Variants in PIR observed in about 807,000 individuals in gnomAD.
PIR encodes the protein pirin (iron-binding nuclear protein).
A neutral mutation model predicts 24.2 loss-of-function variants in PIR; 22 were observed. The observed-to-expected ratio is 0.91, with a 90% CI of 0.65 to 1.30. PIR has a LOEUF of 1.30. Ranked by LOEUF, PIR falls within the 50% of genes most tolerant of loss-of-function variation. The pLI, the probability that PIR is intolerant of heterozygous loss-of-function variation, is 0.00. For synonymous variants in PIR, 80 were observed against 79.6 expected (o/e 1.00, Z -0.03); for missense variants, 220 against 220.3 (o/e 1.00, Z 0.01).
intron 8 of PIR, among the ~76,000 whole-genome samples, chrX:15,396,367 C>T (rs1430318758): frequency 8.9e-6 from 1 of 111,807 alleles, no homozygotes; most frequent in Non-Finnish European, 1.9e-5. Flanking sequence ...GATCTAATAA[C>T]TCCTCAAATC....
intron 5 of PIR, among the ~76,000 whole-genome samples, chrX:15,432,955 T>C (rs1925558402): frequency 8.9e-6 from 1 of 112,549 alleles, no homozygotes; most frequent in African/African-American, 3.2e-5. Context: ...GATAATGCCA[T>C]TTATTAAGAT....
chrX:15,432,417 G>A (rs373714773), intron 5 of PIR, among the ~76,000 whole-genome samples: 1 of 112,094 alleles, frequency 8.9e-6, no homozygotes, highest in East Asian at 2.8e-4. Flanking sequence ...AAAATGAGGA[G>A]AGTAAGGGAA....
chrX:15,486,560 A>C (rs745337715), intron 2 of PIR, among the ~76,000 whole-genome samples: 31 of 111,608 alleles, frequency 2.8e-4, no homozygotes, highest in African/African-American at 1.0e-3. Context: ...TCTTGTAGCT[A>C]GTTGTGTTCA....
intron 6 of PIR, among the ~76,000 whole-genome samples, chrX:15,425,664 C>T (rs1198141755): frequency 1.8e-5 from 2 of 111,771 alleles, no homozygotes; most frequent in African/African-American, 6.5e-5. Context: ...CCCGCCTCGA[C>T]TTCCCAAAGT....
intron 5 of PIR, among the ~76,000 whole-genome samples, chrX:15,453,001 T>C (rs1442194444): frequency 8.9e-6 from 1 of 112,327 alleles, no homozygotes; most frequent in Non-Finnish European, 1.9e-5. Flanking sequence ...TAAAATTGTC[T>C]TCCTGATGCG....
At chrX:15,449,323 C>T (rs1337051119) in intron 5 of PIR, among the ~76,000 whole-genome samples, 3 of 111,900 alleles carry the variant, frequency 2.7e-5, no homozygotes, top group Admixed American at 9.5e-5. Flanking sequence ...CTGATTCATG[C>T]GGATATTTCC....
chrX:15,432,734 A>C (rs1329783548), intron 5 of PIR, among the ~76,000 whole-genome samples: 1 of 112,482 alleles, frequency 8.9e-6, no homozygotes, highest in Non-Finnish European at 1.9e-5. Flanking sequence ...CATCTTAAAG[A>C]GATGTCTTAA....
At chrX:15,478,950 A>C (rs1012310275) in intron 3 of PIR, among the ~76,000 whole-genome samples, 5 of 112,234 alleles carry the variant, frequency 4.5e-5, no homozygotes, top group African/African-American at 1.6e-4. Context: ...CTACTAATGC[A>C]GGTTGTTCTG....
chrX:15,445,504 T>C (rs1373749664), intron 5 of PIR, among the ~76,000 whole-genome samples: 3 of 111,815 alleles, frequency 2.7e-5, no homozygotes, highest in African/African-American at 9.8e-5. Context: ...CTGCACGTTG[T>C]GCACATGTAC....
At chrX:15,487,065 G>A (rs2316997) in intron 2 of PIR, among the ~76,000 whole-genome samples, 47,369 of 110,266 alleles carry the variant, frequency 0.43, 7,340 homozygotes, top group East Asian at 0.46. Flanking sequence ...TACCTTCTGG[G>A]TTTACTCGGC....
chrX:15,488,278 C>CAAA lies in PIR; in HGVS notation c.96+2881_96+2883dup, dbSNP rs1184870069. Among the ~76,000 whole-genome samples, 98 of 31,898 alleles carry CAAA rather than the reference C, an allele frequency of 3.1e-3. 1 individual carries two copies. Among genetic ancestry groups the CAAA allele is most frequent in the African/African-American group, 8.2e-3 (87 of 10,578 alleles). The allele number at this position is 31,898 out of a possible 115,157, so 27.7% of individuals were successfully genotyped here. On this transcript the variant is annotated intron_variant, in intron 2 of 9. Transcript: ENST00000380420. ...GGGCAACAAGAGCGAAACTCCGTCTCAAAAAAAAAAAAAAAAAAAAAAGAA... is the reference window on the plus strand; with the variant it reads ...GGGCAACAAGAGCGAAACTCCGTCTCAAAAAAAAAAAAAAAAAAAAAAAAAGAA...
chrX:15,387,918 A>G (rs1320243898), intron 9 of PIR, among the ~76,000 whole-genome samples: 2 of 111,383 alleles, frequency 1.8e-5, no homozygotes, highest in Admixed American at 1.9e-4. Flanking sequence ...ATTTCTAACT[A>G]TCTCCCAAGT....
chrX:15,479,704 T>C (rs369817730), intron 3 of PIR, 25 bp downstream of exon 3: 41 of 822,729 alleles, frequency 5.0e-5, no homozygotes, highest in Non-Finnish European at 6.7e-5. Context: ...AATACACACT[T>C]CTGCAGTCAA....
chrX:15,435,932 T>C (rs1368895800), intron 5 of PIR, among the ~76,000 whole-genome samples: 4 of 112,727 alleles, frequency 3.5e-5, no homozygotes. Flanking sequence ...GAATTCTTGA[T>C]TGTTTTAAAC....
intron 5 of PIR, among the ~76,000 whole-genome samples, chrX:15,446,456 T>C (rs1041681823): frequency 1.8e-5 from 2 of 110,741 alleles, no homozygotes; most frequent in African/African-American, 6.6e-5. Context: ...ACATTAATGA[T>C]AGCTGATGAG....
intron 9 of PIR, among the ~76,000 whole-genome samples, chrX:15,385,451 AT>A (rs1923712552): frequency 8.9e-6 from 1 of 112,153 alleles, no homozygotes; most frequent in African/African-American, 3.2e-5. Flanking sequence ...AGTTATTTTT[AT>A]AACATTAGCT....
chrX:15,395,335 C>T (rs1442562216), intron 8 of PIR, among the ~76,000 whole-genome samples: 1 of 112,059 alleles, frequency 8.9e-6, no homozygotes, highest in Admixed American at 9.5e-5. Flanking sequence ...GCATCTACAA[C>T]GTAGTAAACC....
intron 5 of PIR, among the ~76,000 whole-genome samples, chrX:15,427,988 C>T (rs1009262602): frequency 1.8e-5 from 2 of 111,355 alleles, no homozygotes; most frequent in African/African-American, 6.5e-5. Context: ...AATAAAGAAT[C>T]GTGAGTAATC....
chrX:15,472,543 T>G (rs780949406), intron 3 of PIR, among the ~76,000 whole-genome samples: 12 of 112,415 alleles, frequency 1.1e-4, no homozygotes, highest in African/African-American at 3.6e-4. Flanking sequence ...CTTGAAAACA[T>G]TATGCTAAGT....
Sources: allele counts gnomAD v4.1 joint callset (sites outside exome capture counted in the v4.1 genomes callset), GRCh38; gene constraint gnomAD v4.1.1; transcripts MANE v1.5; gene names NCBI Gene and HGNC (gene_info 2026-07-23, HGNC 2026-07-21).